Variants in ABCA13 observed in about 807,000 individuals in gnomAD.
The protein encoded by ABCA13 is ATP binding cassette subfamily A member 13.
In ABCA13, 476 loss-of-function variants were observed where a neutral mutation model predicts 478.7. The observed-to-expected ratio is 0.99, with a 90% CI of 0.92 to 1.07. The LOEUF (loss-of-function observed/expected upper bound fraction) is 1.07, where lower values mean the gene tolerates loss of function less well. Among genes scored for constraint, ABCA13 ranks in the 50% least tolerant of loss-of-function variants. The pLI is 0.00. For missense variants in ABCA13, 6,060 were observed against 5,910.6 expected, an observed-to-expected ratio of 1.03 and a Z score of -0.83; for synonymous variants, 2,252 against 2,158.9, an observed-to-expected ratio of 1.04 and a Z score of -1.20.
Position 48,578,744 on chromosome 7 carries a change from C to T in ABCA13, c.14355-1480C>T, listed in dbSNP as rs543809782. ...AAGACAAAAGATCCATGATAGGCAA[C>T]ACAGTATGGAAGAACAAAGTCTGAA... is the stretch of plus-strand genomic sequence containing the variant. On this transcript the variant is annotated intron_variant, in intron 55 of 61. Coordinates refer to ENST00000435803, the MANE Select transcript of ABCA13 (RefSeq NM_152701.5). Among the ~76,000 whole-genome samples, 3 of 152,304 alleles carry T rather than the reference C, an allele frequency of 2.0e-5. No individual in the cohort carries two copies. In the East Asian group the frequency reaches 5.8e-4, roughly 29 times the overall value.
At chr7:48,547,861 G>A (rs1419594068) in intron 55 of ABCA13, among the ~76,000 whole-genome samples, 1 of 151,866 alleles carries the variant, frequency 6.6e-6, no homozygotes, top group Non-Finnish European at 1.5e-5. Flanking sequence ...ATGATGCTTG[G>A]TAGGTTAGGT....
intron 23 of ABCA13, among the ~76,000 whole-genome samples, chr7:48,309,048 C>CAT (rs1279706090): frequency 6.7e-6 from 1 of 150,356 alleles, no homozygotes; most frequent in African/African-American, 2.5e-5. Flanking sequence ...CACACACACA[C>CAT]ACACACACAC....
intron 58 of ABCA13, among the ~76,000 whole-genome samples, chr7:48,603,521 T>C (rs1470831091): frequency 6.6e-6 from 1 of 152,214 alleles, no homozygotes; most frequent in Non-Finnish European, 1.5e-5. Flanking sequence ...GTTTATGTGA[T>C]GGATTATGTT....
chr7:48,543,321 C>A (rs919481324), intron 55 of ABCA13, among the ~76,000 whole-genome samples: 1 of 151,612 alleles, frequency 6.6e-6, no homozygotes, highest in African/African-American at 2.4e-5. Flanking sequence ...GAAAAGACTA[C>A]AATTACAATA....
chr7:48,185,874 T>C (rs1796285589), intron 1 of ABCA13, among the ~76,000 whole-genome samples: 1 of 152,062 alleles, frequency 6.6e-6, no homozygotes. Flanking sequence ...GGTTAAATGA[T>C]TAAGTATACA....
chr7:48,273,394 T>C lies in ABCA13; in HGVS notation c.3728T>C (p.Val1243Ala). The change falls in exon 17 of 62, where the codon GTT becomes GCT. Residue 1243 changes from valine (V) to alanine (A), a missense_variant. Transcript: ENST00000435803. Reference protein sequence around the residue: ...DFLVALGNALVSVKKLNLEQV... With the variant: ...DFLVALGNALASVKKLNLEQV... ...TTGGTAGCTTTAGGTAATGCATTAGTTTCAGTAAAAAAACTTAACTTGGAG... is the reference window on the plus strand; with the variant it reads ...TTGGTAGCTTTAGGTAATGCATTAGCTTCAGTAAAAAAACTTAACTTGGAG... The C allele has an allele frequency of 1.9e-6, 3 of 1,613,590 alleles. No individual in the cohort carries two copies. Among genetic ancestry groups the C allele is most frequent in the Non-Finnish European group, 2.5e-6 (3 of 1,179,702 alleles).
At chr7:48,217,960 C>T (rs1223423604) in intron 3 of ABCA13, among the ~76,000 whole-genome samples, 1 of 152,188 alleles carries the variant, frequency 6.6e-6, no homozygotes, top group East Asian at 1.9e-4. Flanking sequence ...CACCCAAATC[C>T]TATTATAGCT....
chr7:48,556,411 C>T (rs1188743102), intron 55 of ABCA13, among the ~76,000 whole-genome samples: 1 of 151,784 alleles, frequency 6.6e-6, no homozygotes, highest in Non-Finnish European at 1.5e-5. Context: ...ATTGAAGTCC[C>T]CAGGTATTGT....
chr7:48,296,930 A>T (rs1234523994), intron 21 of ABCA13, among the ~76,000 whole-genome samples: 1 of 152,182 alleles, frequency 6.6e-6, no homozygotes, highest in African/African-American at 2.4e-5. Context: ...ACGTTCCATG[A>T]TCTATCCTAT....
chr7:48,430,829 C>T (rs950057755), intron 42 of ABCA13, among the ~76,000 whole-genome samples: 3 of 152,012 alleles, frequency 2.0e-5, no homozygotes, highest in Non-Finnish European at 1.5e-5. Flanking sequence ...TGATTTTTCT[C>T]TTTTCAATTT....
chr7:48,411,870 C>T (rs1819300618), intron 40 of ABCA13, among the ~76,000 whole-genome samples: 1 of 152,188 alleles, frequency 6.6e-6, no homozygotes, highest in African/African-American at 2.4e-5. Flanking sequence ...TCTTCCCTCA[C>T]CTCTGAGCCA....
chr7:48,402,744 G>C (rs1817775895), intron 38 of ABCA13, among the ~76,000 whole-genome samples: 1 of 152,204 alleles, frequency 6.6e-6, no homozygotes, highest in Non-Finnish European at 1.5e-5. Context: ...AAGCTCAACT[G>C]TCTGGAACAT....
At chr7:48,403,200 T>C (rs1817833011) in intron 38 of ABCA13, among the ~76,000 whole-genome samples, 1 of 152,226 alleles carries the variant, frequency 6.6e-6, no homozygotes, top group Admixed American at 6.5e-5. Context: ...CTGGAACATC[T>C]GCATTAATCA....
rs1563078657 is a variant in ABCA13, at chr7:48,338,452, T to C, written c.10201T>C (p.Tyr3401His). 3 of 1,587,530 alleles carry C rather than the reference T, an allele frequency of 1.9e-6. No homozygotes were observed. In the South Asian group the frequency reaches 3.5e-5, roughly 18 times the overall value. ...VDKLTEKLQTYGGLLDEMFNH... is the reference protein window; with the variant it reads ...VDKLTEKLQTHGGLLDEMFNH... ...CAAACTTACTGAAAAACTCCAGACATACGGTAAGTGTGCTGATGGGCATGG... is the reference window on the plus strand; with the variant it reads ...CAAACTTACTGAAAAACTCCAGACACACGGTAAGTGTGCTGATGGGCATGG... Residue 3401 changes from tyrosine (Y) to histidine (H), a missense_variant, in exon 29 of 62, where the codon TAC becomes CAC. By Grantham distance (83) the Tyr-to-His change is moderately conservative (BLOSUM62 2). This residue lies in a region of ABCA13 where 4,423 missense variants were observed against 4,309.1 expected (regional missense o/e 1.03). Transcript: ENST00000435803.
chr7:48,624,849 C>T (rs558453605), intron 59 of ABCA13, among the ~76,000 whole-genome samples: 1 of 152,138 alleles, frequency 6.6e-6, no homozygotes, highest in South Asian at 2.1e-4. Flanking sequence ...CTCAAGGCAC[C>T]CAGCCTGTTT....
At chr7:48,593,334 G>T (rs1789959308) in intron 57 of ABCA13, among the ~76,000 whole-genome samples, 1 of 146,582 alleles carries the variant, frequency 6.8e-6, no homozygotes, top group African/African-American at 2.5e-5. Flanking sequence ...ACATCTTATA[G>T]TTACAAAAGT....
Position 48,387,877 on chromosome 7 carries a change from G to A in ABCA13, c.11391G>A (p.Lys3797=). ...WYFPFTASYW[K]SVGFLVEKRQ... ...TCCCCTTTACTGCCTCATATTGGAA[G>A]AGTGTGGGTTTCTTGGTGGAGAAAA... Residue 3797 remains lysine, a synonymous_variant, in exon 36 of 62, where the codon AAG becomes AAA. Coordinates refer to ENST00000435803, the MANE Select transcript of ABCA13 (RefSeq NM_152701.5). The A allele has an allele frequency of 6.2e-7, 1 of 1,612,310 alleles. No homozygotes were observed. Among genetic ancestry groups the A allele is most frequent in the African/African-American group, 1.3e-5 (1 of 74,946 alleles).
intron 52 of ABCA13, among the ~76,000 whole-genome samples, chr7:48,519,387 C>G (rs979764162): frequency 6.6e-6 from 1 of 152,152 alleles, no homozygotes; most frequent in African/African-American, 2.4e-5. Context: ...ACACCATCTT[C>G]CACAGTGGTG....
At chr7:48,613,356 A>G (rs1265706233) in intron 58 of ABCA13, among the ~76,000 whole-genome samples, 1 of 151,688 alleles carries the variant, frequency 6.6e-6, no homozygotes, top group Non-Finnish European at 1.5e-5. Context: ...ACCTGGCTAA[A>G]TTTTTGTACT....
Sources: allele counts gnomAD v4.1 joint callset (sites outside exome capture counted in the v4.1 genomes callset), GRCh38; gene constraint gnomAD v4.1.1; regional missense constraint gnomAD v4.1.1; transcripts MANE v1.5; gene names NCBI Gene and HGNC (gene_info 2026-07-23, HGNC 2026-07-21).